Variants in ATXN7L1 observed in about 807,000 individuals in gnomAD.
ATXN7L1 encodes ataxin 7 like 1.
In ATXN7L1, 15 loss-of-function variants were observed where a neutral mutation model predicts 70.8. That is an observed-to-expected ratio of 0.21 (90% confidence interval 0.14 to 0.33). The LOEUF (loss-of-function observed/expected upper bound fraction) is 0.33, where lower values mean the gene tolerates loss of function less well. Ranked by LOEUF, ATXN7L1 falls within the 10% of genes least tolerant of loss-of-function variation. ATXN7L1 has a pLI of 1.00. For synonymous variants in ATXN7L1, 440 were observed against 445.1 expected (o/e 0.99, Z 0.14); for missense variants, 975 against 1,097.1 (o/e 0.89, Z 1.57).
At chr7:105,618,763 C>T (rs1794299878) in intron 9 of ATXN7L1, among the ~76,000 whole-genome samples, 1 of 152,136 alleles carries the variant, frequency 6.6e-6, no homozygotes, top group Non-Finnish European at 1.5e-5. Flanking sequence ...GAGAGCTCAC[C>T]TTTGTAGGAG....
chr7:105,789,755 A>T (rs1025852324), intron 2 of ATXN7L1, among the ~76,000 whole-genome samples: 1 of 152,142 alleles, frequency 6.6e-6, no homozygotes, highest in Non-Finnish European at 1.5e-5. Flanking sequence ...TTTAAGAACA[A>T]TGAGAAGTAC....
At chr7:105,761,250 C>A in intron 3 of ATXN7L1, 1 of 1,518,398 alleles carries the variant, frequency 6.6e-7, no homozygotes, top group African/African-American at 1.4e-5. Context: ...CACGAATTTG[C>A]AGTGAATGGA....
At chr7:105,776,479 C>A in intron 3 of ATXN7L1, among the ~76,000 whole-genome samples, 1 of 126,710 alleles carries the variant, frequency 7.9e-6, no homozygotes. Flanking sequence ...TTAAGAAAAA[C>A]AAACAAACAA....
At chr7:105,830,854 C>A (rs1437178020) in intron 2 of ATXN7L1, among the ~76,000 whole-genome samples, 1 of 152,222 alleles carries the variant, frequency 6.6e-6, no homozygotes, top group African/African-American at 2.4e-5. Context: ...GAGTGTTTCA[C>A]TTCTGCAGAG....
chr7:105,724,573 C>CAAAAAAA (rs573733959), intron 3 of ATXN7L1, among the ~76,000 whole-genome samples: 4 of 80,486 alleles, frequency 5.0e-5, no homozygotes, highest in African/African-American at 1.5e-4. Context: ...GACTCTGTCT[C>CAAAAAAA]AAAAAAAAAA....
intron 2 of ATXN7L1, among the ~76,000 whole-genome samples, chr7:105,855,435 A>T (rs910098968): frequency 6.6e-6 from 1 of 152,242 alleles, no homozygotes; most frequent in Non-Finnish European, 1.5e-5. Context: ...ATGTATCTGT[A>T]TGGAGGATAT....
chr7:105,817,046 C>T (rs528744166), intron 2 of ATXN7L1, among the ~76,000 whole-genome samples: 16 of 152,344 alleles, frequency 1.1e-4, no homozygotes, highest in African/African-American at 3.6e-4. Flanking sequence ...ATTTTCCCAT[C>T]GGACCAGGAA....
intron 2 of ATXN7L1, among the ~76,000 whole-genome samples, chr7:105,837,014 G>A (rs1179916091): frequency 6.6e-6 from 1 of 152,148 alleles, no homozygotes; most frequent in Non-Finnish European, 1.5e-5. Flanking sequence ...GACATTGCTC[G>A]GCTTCTGGGG....
In ATXN7L1 at chr7:105,733,505, TCCATCCATCCACC is replaced by T. The variant is rs1796821769; in HGVS notation, c.355+55086_355+55098del. 2.5e-5 allele frequency among the ~76,000 whole-genome samples: 3 copies of T among 117,698 alleles called. 1 individual carries two copies. Among genetic ancestry groups the T allele is most frequent in the African/African-American group, 9.9e-5 (3 of 30,264 alleles). 77.2% of individuals were successfully genotyped at this position (117,698 alleles called of 152,430 possible). A position where few individuals can be genotyped will look rare whatever the true frequency, so the allele number is the denominator to read the frequency against. On this transcript the variant is annotated intron_variant, in intron 3 of 11. Coordinates refer to ENST00000419735, the MANE Select transcript of ATXN7L1 (RefSeq NM_020725.2). ...GTCCATCCATCCACCCATCCATCCT[TCCATCCATCCACC>T]CATCCATCCATCCATCCATCCACCC...
intron 2 of ATXN7L1, among the ~76,000 whole-genome samples, chr7:105,834,815 CTCT>C (rs1812127625): frequency 1.3e-5 from 2 of 152,192 alleles, no homozygotes; most frequent in African/African-American, 4.8e-5. Flanking sequence ...GGGAGAGGTA[CTCT>C]TCTTTACAGG....
At position 105,605,105 on chromosome 7, in the gene ATXN7L1, C is replaced by T. The variant is rs1032950029; in HGVS notation, c.*2747G>A. On this transcript the variant is annotated 3_prime_UTR_variant, in exon 12 of 12. Transcript: ENST00000419735. ...CTATGCATTGCGTTATGCTTCACAA[C>T]CAGAGCTTTCGAGCCTCTATGGCTG... The T allele has an allele frequency of 7.8e-6, 1 of 128,170 alleles. No individual in the cohort carries two copies. The highest frequency in any genetic ancestry group is 1.6e-5 in the Non-Finnish European group (1 of 63,006). 7.9% of individuals were successfully genotyped at this position (128,170 alleles called of 1,614,324 possible). A position where few individuals can be genotyped will look rare whatever the true frequency, so the allele number is the denominator to read the frequency against.
intron 2 of ATXN7L1, among the ~76,000 whole-genome samples, chr7:105,852,530 A>G (rs1815026268): frequency 6.6e-6 from 1 of 152,134 alleles, no homozygotes; most frequent in East Asian, 1.9e-4. Context: ...GGTCAGATGC[A>G]GCACAGGGGG....
In ATXN7L1 at chr7:105,614,764, T is replaced by C; in HGVS notation, c.1570A>G (p.Thr524Ala). The C allele has an allele frequency of 1.9e-6, 3 of 1,551,192 alleles. No homozygotes were observed. The highest frequency in any genetic ancestry group is 1.7e-6 in the Non-Finnish European group (2 of 1,146,860). ...AAAACGGATGCTGGAACGGGGGTGGTGATGTGGGCTGCTGGCGAGGGCAGG... is the reference window on the plus strand; with the variant it reads ...AAAACGGATGCTGGAACGGGGGTGGCGATGTGGGCTGCTGGCGAGGGCAGG... ...SPLPSPAAHI[T>A]TPVPASVLQP... The change falls in exon 10 of 12, where the codon ACC becomes GCC. Residue 524 changes from threonine (T) to alanine (A), a missense_variant. Around this residue, in one of 5 missense-constraint regions of ATXN7L1, gnomAD observed 635 missense variants for 699.4 expected, o/e 0.91. Transcript: ENST00000419735. The surrounding 1 kb of genome is among the most constrained non-coding windows in gnomAD (Gnocchi z 4.3).
chr7:105,617,248 T>C (rs913007244), intron 9 of ATXN7L1, among the ~76,000 whole-genome samples: 1 of 152,162 alleles, frequency 6.6e-6, no homozygotes, highest in African/African-American at 2.4e-5. Flanking sequence ...ATGGTCTCGA[T>C]CTCCTAACAT....
At chr7:105,752,036 G>C (rs970913864) in intron 3 of ATXN7L1, among the ~76,000 whole-genome samples, 1 of 152,234 alleles carries the variant, frequency 6.6e-6, no homozygotes, top group African/African-American at 2.4e-5. Flanking sequence ...ATTTATTTCA[G>C]GTATTGACCT....
At position 105,730,750 on chromosome 7, in the gene ATXN7L1, A is replaced by G. The variant is rs186570536; in HGVS notation, c.355+57854T>C. ...CCATCTCGAAAAAAAAAAGAAAAAA[A>G]AAGAGGCAGCTAAGGAGACATGACA... On this transcript the variant is annotated intron_variant, in intron 3 of 11. Coordinates refer to ENST00000419735, the MANE Select transcript of ATXN7L1 (RefSeq NM_020725.2). 3.0e-4 allele frequency among the ~76,000 whole-genome samples: 46 copies of G among 152,174 alleles called. 1 individual carries two copies. Among genetic ancestry groups the G allele is most frequent in the African/African-American group, 9.4e-4 (39 of 41,540 alleles).
At chr7:105,647,156 A>G (rs1799167898) in intron 4 of ATXN7L1, among the ~76,000 whole-genome samples, 2 of 152,210 alleles carry the variant, frequency 1.3e-5, no homozygotes, top group African/African-American at 4.8e-5. Context: ...TTGTGAAGCC[A>G]AGTTAGTTCA....
chr7:105,724,992 T>C (rs1302265355), intron 3 of ATXN7L1, among the ~76,000 whole-genome samples: 1 of 152,092 alleles, frequency 6.6e-6, no homozygotes, highest in East Asian at 1.9e-4. Context: ...TATGCCTGGC[T>C]GACTTCTTTT....
At chr7:105,649,572 C>T in intron 4 of ATXN7L1, 9 of 987,830 alleles carry the variant, frequency 9.1e-6, no homozygotes, top group Non-Finnish European at 1.1e-5. Context: ...TGCAAAAGAA[C>T]AGAGGTGGAG....
Sources: gnomAD v4.1 joint callset for allele counts (sites outside exome capture counted in the v4.1 genomes callset) on GRCh38, gnomAD v4.1.1 for gene constraint, gnomAD v4.1.1 regional missense constraint, Gnocchi (gnomAD v3.1) non-coding constraint, MANE v1.5 for transcripts, NCBI Gene and HGNC (gene_info 2026-07-23, HGNC 2026-07-21) for gene names.